The following VPS13B variants were observed in gnomAD, a reference collection of about 807,000 sequenced individuals.
The protein encoded by VPS13B is intermembrane lipid transfer protein VPS13B.
Under a neutral mutation model 426.4 loss-of-function variants are expected in VPS13B, and 285 were observed. That is an observed-to-expected ratio of 0.67 (90% CI 0.61 to 0.74). VPS13B has a LOEUF of 0.74. VPS13B is among the 30% of genes least tolerant of loss of function. VPS13B has a pLI of 0.00. For missense variants in VPS13B, 4,537 were observed against 4,782.6 expected (o/e 0.95, Z 1.51); for synonymous variants, 1,676 against 1,676.4 (o/e 1.00, Z 0.01).
At chr8:99,523,726 C>A (rs545897000) in intron 30 of VPS13B, among the ~76,000 whole-genome samples, 1 of 152,240 alleles carries the variant, frequency 6.6e-6, no homozygotes, top group South Asian at 2.1e-4. Flanking sequence ...GATCACAACA[C>A]CCAAGCTTCT....
In VPS13B at chr8:99,477,909, CCT is replaced by C. The variant is rs1819781714; in HGVS notation, c.3667-3689_3667-3688del. Among the ~76,000 whole-genome samples, 2 of 151,884 alleles carry C rather than the reference CCT, an allele frequency of 1.3e-5. 1 individual carries two copies. On this transcript the variant is annotated intron_variant, in intron 24 of 61. Transcript: ENST00000357162. ...ATCTTAACTATGTGACCAAAGTTAC[CCT>C]GTTTCCTTTAATGTCTTTAGACACC...
At chr8:99,211,759 G>C (rs1815100747) in intron 17 of VPS13B, among the ~76,000 whole-genome samples, 1 of 152,076 alleles carries the variant, frequency 6.6e-6, no homozygotes, top group Non-Finnish European at 1.5e-5. Flanking sequence ...CCTGGCGACA[G>C]AGAGAGAAAA....
intron 39 of VPS13B, among the ~76,000 whole-genome samples, chr8:99,766,368 G>A (rs994469852): frequency 3.3e-5 from 5 of 152,142 alleles, no homozygotes; most frequent in Admixed American, 3.3e-4. Flanking sequence ...ACAGGCACAA[G>A]CCACCATGCC....
chr8:99,625,068 A>G (rs907681927), intron 33 of VPS13B, among the ~76,000 whole-genome samples: 1 of 151,366 alleles, frequency 6.6e-6, no homozygotes, highest in East Asian at 1.9e-4. Context: ...CAGGTGATCC[A>G]CCCGCCTCAG....
At chr8:99,183,342 A>AT (rs2132701183) in intron 16 of VPS13B, among the ~76,000 whole-genome samples, 1 of 151,996 alleles carries the variant, frequency 6.6e-6, no homozygotes, top group Non-Finnish European at 1.5e-5. Flanking sequence ...TTTTTGAAGA[A>AT]TTTTTTCTTT....
chr8:99,165,962 C>A (rs1468929489), intron 15 of VPS13B, among the ~76,000 whole-genome samples: 1 of 152,028 alleles, frequency 6.6e-6, no homozygotes, highest in Non-Finnish European at 1.5e-5. Flanking sequence ...TTGGGTAATA[C>A]ACAGTTTTAT....
intron 14 of VPS13B, 41 bp downstream of exon 14, chr8:99,148,051 T>G: frequency 6.3e-7 from 1 of 1,574,890 alleles, no homozygotes; most frequent in Non-Finnish European, 8.6e-7. Flanking sequence ...CCCTCATATA[T>G]GGATTTTTTT....
chr8:99,801,230 A>G (rs1201514374), intron 43 of VPS13B, among the ~76,000 whole-genome samples: 2 of 152,114 alleles, frequency 1.3e-5, no homozygotes, highest in East Asian at 1.9e-4. Flanking sequence ...TCCTAAAACA[A>G]TGATTTTTTT....
intron 3 of VPS13B, among the ~76,000 whole-genome samples, chr8:99,048,497 T>G (rs1399506460): frequency 6.6e-6 from 1 of 152,142 alleles, no homozygotes; most frequent in Non-Finnish European, 1.5e-5. Flanking sequence ...GTTTCTTAGA[T>G]CTGGTAGTAA....
In VPS13B at chr8:99,767,651, G is replaced by A. The variant is rs555955565; in HGVS notation, c.7247+681G>A. Among the ~76,000 whole-genome samples, 32 of 152,220 alleles carry A rather than the reference G, an allele frequency of 2.1e-4. No individual in the cohort carries two copies. The South Asian group carries it at 3.3e-3, about 16-fold the overall frequency. On this transcript the variant is annotated intron_variant, in intron 40 of 61. Coordinates refer to ENST00000357162, the MANE Select transcript of VPS13B (RefSeq NM_152564.5). ...CCATAAAGAATCCCTAGAGCTGGCC[G>A]GGCACAGTGGCTCGCAGTTGTAATC... is the stretch of plus-strand genomic sequence containing the variant.
At chr8:99,478,675 C>T (rs954348386) in intron 24 of VPS13B, among the ~76,000 whole-genome samples, 4 of 151,692 alleles carry the variant, frequency 2.6e-5, no homozygotes, top group Non-Finnish European at 4.4e-5. Flanking sequence ...TGTTGAACTC[C>T]TGACCTCAGG....
rs771247003 is a variant in VPS13B at position 99,853,536 on chromosome 8, T to C, written c.10147T>C (p.Ser3383Pro). 4 of 1,614,058 alleles carry C rather than the reference T, an allele frequency of 2.5e-6. No homozygotes were observed. The highest frequency in any genetic ancestry group is 2.7e-5 in the African/African-American group (2 of 74,920). ...TGATGACCTCACCCACCACAAAGCA[T>C]CAGCTGAGCTTCTGAGACTCACACT... Reference protein sequence around the residue: ...VFDDLTHHKASAELLRLTLDN... With the variant: ...VFDDLTHHKAPAELLRLTLDN... Residue 3383 changes from serine to proline, a missense_variant, in exon 56 of 62, where the codon TCA (serine) becomes CCA (proline). Ser to Pro is a moderately conservative substitution (Grantham distance 74). Around this residue, in one of 2 missense-constraint regions of VPS13B, gnomAD observed 4,311 missense variants for 4,474.3 expected, o/e 0.96. Coordinates refer to ENST00000357162, the MANE Select transcript of VPS13B (RefSeq NM_152564.5).
intron 30 of VPS13B, among the ~76,000 whole-genome samples, chr8:99,532,867 A>G (rs1416409877): frequency 1.3e-5 from 2 of 151,188 alleles, no homozygotes; most frequent in Admixed American, 1.3e-4. Context: ...TATATAACTT[A>G]GCAGAAGTTT....
chr8:99,119,856 T>A (rs1847853643), intron 7 of VPS13B, among the ~76,000 whole-genome samples: 1 of 152,076 alleles, frequency 6.6e-6, no homozygotes, highest in Non-Finnish European at 1.5e-5. Context: ...TGCTGGAGAC[T>A]AATTTTTCCA....
intron 43 of VPS13B, among the ~76,000 whole-genome samples, chr8:99,804,668 C>T (rs367545193): frequency 1.3e-5 from 2 of 152,010 alleles, no homozygotes; most frequent in Non-Finnish European, 2.9e-5. Context: ...ACACTAGGCT[C>T]TTGGGATATT....
At chr8:99,852,857 T>C (rs1816362996) in intron 55 of VPS13B, among the ~76,000 whole-genome samples, 1 of 152,066 alleles carries the variant, frequency 6.6e-6, no homozygotes, top group Non-Finnish European at 1.5e-5. Context: ...AAGCTGCTAG[T>C]AATGAAGAAA....
chr8:99,413,081 T>C (rs945055924), intron 21 of VPS13B, among the ~76,000 whole-genome samples: 4 of 152,196 alleles, frequency 2.6e-5, no homozygotes, highest in African/African-American at 9.7e-5. Context: ...ATAAAATGAG[T>C]TAGGAAGGAG....
intron 43 of VPS13B, among the ~76,000 whole-genome samples, chr8:99,808,952 A>G (rs1290276894): frequency 6.6e-6 from 1 of 152,086 alleles, no homozygotes; most frequent in African/African-American, 2.4e-5. Flanking sequence ...AAGGTATGAC[A>G]ATTGATGATT....
intron 3 of VPS13B, among the ~76,000 whole-genome samples, chr8:99,080,357 GTTTCTTGTAGTAA>G (rs1431479620): frequency 6.6e-6 from 1 of 151,944 alleles, no homozygotes; most frequent in African/African-American, 2.4e-5. Context: ...ATTTCCTATG[GTTTCTTGTAGTAA>G]TTTTAAACCT....
Sources: gnomAD v4.1 joint callset for allele counts (sites outside exome capture counted in the v4.1 genomes callset) on GRCh38, gnomAD v4.1.1 for gene constraint, gnomAD v4.1.1 regional missense constraint, MANE v1.5 for transcripts, NCBI Gene and HGNC (gene_info 2026-07-23, HGNC 2026-07-21) for gene names.